LAIR1: variants seen among roughly 807,000 people sequenced by gnomAD.
The protein encoded by LAIR1 is leukocyte-associated immunoglobulin-like receptor 1.
In LAIR1, 24 loss-of-function variants were observed where a neutral mutation model predicts 32.8. The ratio of observed to expected loss-of-function variants is 0.73; its 90% CI spans 0.53 to 1.03. LAIR1 has a LOEUF of 1.03. Among genes scored for constraint, LAIR1 ranks in the 50% least tolerant of loss-of-function variants. The pLI is 0.00. For synonymous variants in LAIR1, 150 were observed against 140.5 expected, an observed-to-expected ratio of 1.07 and a Z score of -0.48; for missense variants, 355 against 347.5, an observed-to-expected ratio of 1.02 and a Z score of -0.17.
At position 54,353,060 on chromosome 19, in the gene LAIR1, C is replaced by G. The variant is rs1227750840; in HGVS notation, c.*2208G>C. 1 of 152,004 alleles carries G rather than the reference C, an allele frequency of 6.6e-6. No individual in the cohort carries two copies. Among genetic ancestry groups the G allele is most frequent in the African/African-American group, 2.4e-5 (1 of 41,340 alleles). 9.4% of individuals were successfully genotyped at this position (152,004 alleles called of 1,614,324 possible). ...CCTGTAATCCCAGCTGCTCAGGAGG[C>G]TGAGGCAGGAGAATCGCTTGAACCC... is the stretch of plus-strand genomic sequence containing the variant. On this transcript the variant is annotated 3_prime_UTR_variant, in exon 10 of 10. Transcript: ENST00000391742.
intron 2 of LAIR1, among the ~76,000 whole-genome samples, chr19:54,363,618 A>G (rs1049880637): frequency 3.3e-5 from 5 of 152,216 alleles, no homozygotes; most frequent in Non-Finnish European, 5.9e-5. Flanking sequence ...ATTCAGCCCT[A>G]AAAAAGGAAG....
Position 54,364,758 on chromosome 19 carries a change from C to T in LAIR1, c.34+13G>A. ...ACCCCCTTTCCAGCCTCCCGGCTGCCTCCAGGACTCACCTAGGCCCAGGAG... is the reference window on the plus strand; with the variant it reads ...ACCCCCTTTCCAGCCTCCCGGCTGCTTCCAGGACTCACCTAGGCCCAGGAG... On this transcript the variant is annotated intron_variant, in intron 1 of 9. Coordinates refer to ENST00000391742, the MANE Select transcript of LAIR1 (RefSeq NM_002287.6). The surrounding 1 kb of genome is among the most constrained non-coding windows in gnomAD (Gnocchi z 4.8). The T allele has an allele frequency of 6.2e-7, 1 of 1,612,216 alleles. No homozygotes were observed. Among genetic ancestry groups the T allele is most frequent in the Non-Finnish European group, 8.5e-7 (1 of 1,178,340 alleles).
chr19:54,366,345 G>A (rs1406400650), upstream of LAIR1, among the ~76,000 whole-genome samples: 2 of 152,200 alleles, frequency 1.3e-5, no homozygotes, highest in Admixed American at 1.3e-4. Flanking sequence ...GAACAGCGAA[G>A]TCCAGGCTGA....
chr19:54,370,552 T>G (rs1332425725), exon 1 of LAIR1: 1 of 373,224 alleles, frequency 2.7e-6, no homozygotes, highest in African/African-American at 2.2e-5. Flanking sequence ...AAGCTTCTGC[T>G]ATACCAGGGT....
Position 54,360,915 on chromosome 19 carries a change from C to T in LAIR1, c.364+1G>A, listed in dbSNP as rs753049051. 8.1e-6 allele frequency: 13 copies of T among 1,610,664 alleles called. No homozygotes were observed. The highest frequency in any genetic ancestry group is 1.0e-5 in the Non-Finnish European group (12 of 1,177,742). On this transcript the variant is annotated splice_donor_variant, in intron 3 of 9. Transcript: ENST00000391742. LOFTEE classifies it high-confidence loss of function. ...GGGCAGGGCCCAGGTGACGTCCTCACCTTTCACCAGCAGCTCCAGGTAGTC... is the reference window on the plus strand; with the variant it reads ...GGGCAGGGCCCAGGTGACGTCCTCATCTTTCACCAGCAGCTCCAGGTAGTC...
At chr19:54,373,740 A>G (rs981444988), upstream of LAIR1, among the ~76,000 whole-genome samples, 2 of 152,158 alleles carry the variant, frequency 1.3e-5, no homozygotes, top group African/African-American at 2.4e-5. Flanking sequence ...GCTTAACACA[A>G]TGGGATTTGG....
chr19:54,356,371 T>A lies in LAIR1; in HGVS notation c.611A>T (p.Gln204Leu). The change falls in exon 7 of 10, where the codon CAG (glutamine) becomes CTG (leucine). Residue 204 changes from glutamine (Q) to leucine (L), a missense_variant. Transcript: ENST00000391742. ...GGGGCCTCACCTCTGCTGTGGCTTC[T>A]GCTCCTCGTCCTTGCTTCTGGGGGG... ...QGPPRSKDEE[Q>L]KPQQRPDLAV... is the part of the protein sequence containing the mutation. 1 of 1,592,564 alleles carries A rather than the reference T, an allele frequency of 6.3e-7. No individual in the cohort carries two copies. Among genetic ancestry groups the A allele is most frequent in the Non-Finnish European group, 8.5e-7 (1 of 1,169,686 alleles).
At chr19:54,371,708 A>T (rs2082409795), upstream of LAIR1, among the ~76,000 whole-genome samples, 1 of 151,630 alleles carries the variant, frequency 6.6e-6, no homozygotes, top group African/African-American at 2.4e-5. Flanking sequence ...TGATGAAATC[A>T]TCATTCAAAA....
In LAIR1 at chr19:54,363,552, C is replaced by T. The variant is rs368236881; in HGVS notation, c.70+743G>A. Reference sequence around the variant, plus strand: ...CCAAGACCTGGCAAGAACCTGAGTGCCCACCGCCAAATGAATGGATGAGGA... The same window carrying T: ...CCAAGACCTGGCAAGAACCTGAGTGTCCACCGCCAAATGAATGGATGAGGA... On this transcript the variant is annotated intron_variant, in intron 2 of 9. Transcript: ENST00000391742. 4.6e-5 allele frequency among the ~76,000 whole-genome samples: 7 copies of T among 152,206 alleles called. No homozygotes were observed. In the South Asian group the frequency reaches 1.5e-3, roughly 32 times the overall value.
At chr19:54,360,659 C>G in intron 3 of LAIR1, 1 of 553,342 alleles carries the variant, frequency 1.8e-6, no homozygotes, top group Non-Finnish European at 3.2e-6. Flanking sequence ...GCAGAGCCAG[C>G]TCTGAGCCCA....
At chr19:54,364,959 T>C, upstream of LAIR1, 3 of 1,525,316 alleles carry the variant, frequency 2.0e-6, no homozygotes, top group South Asian at 2.5e-5. This position sits in a 1 kb window ranked among gnomAD's most constrained non-coding sequence, Gnocchi z 4.8. Flanking sequence ...GAGCTTTCTG[T>C]CCTGTTCTTT....
intron 3 of LAIR1, 109 bp downstream of exon 3, chr19:54,360,807 G>T: frequency 9.5e-7 from 1 of 1,053,246 alleles, no homozygotes; most frequent in Non-Finnish European, 1.4e-6. Context: ...GGGTCAGGAG[G>T]AGGACAAGGT....
chr19:54,366,813 A>C (rs189269551), upstream of LAIR1, among the ~76,000 whole-genome samples: 84 of 152,180 alleles, frequency 5.5e-4, no homozygotes, highest in Non-Finnish European at 9.8e-4. Context: ...TCTAAGCAAC[A>C]AAGTGTTCAA....
chr19:54,351,891 A>G lies in LAIR1; in HGVS notation c.*3377T>C, dbSNP rs1024560497. 2.0e-5 allele frequency: 3 copies of G among 151,662 alleles called. No individual in the cohort carries two copies. In the East Asian group the frequency reaches 5.8e-4, roughly 29 times the overall value. 9.4% of individuals were successfully genotyped at this position (151,662 alleles called of 1,614,324 possible). ...AAGGTAAAAAAAAGTTAAAAAAAAG[A>G]AAAAAAAAGTCCACCCTATAGTTTG... is the stretch of plus-strand genomic sequence containing the variant. On this transcript the variant is annotated 3_prime_UTR_variant, in exon 10 of 10. Coordinates refer to ENST00000391742, the MANE Select transcript of LAIR1 (RefSeq NM_002287.6).
Position 54,364,275 on chromosome 19 carries a change from G to A in LAIR1, c.70+20C>T, listed in dbSNP as rs764122828. 4.4e-6 allele frequency: 7 copies of A among 1,608,310 alleles called. No individual in the cohort carries two copies. In the Admixed American group the frequency reaches 5.0e-5, roughly 11 times the overall value. ...GGGTGACAGAGGGGACTGGGAAGATGGGACGAAGGCATGACTTACCCTCCT... is the reference window on the plus strand; with the variant it reads ...GGGTGACAGAGGGGACTGGGAAGATAGGACGAAGGCATGACTTACCCTCCT... On this transcript the variant is annotated intron_variant, in intron 2 of 9. Transcript: ENST00000391742. The surrounding 1 kb of genome is among the most constrained non-coding windows in gnomAD (Gnocchi z 4.8).
At chr19:54,360,665 G>A (rs1197379752) in intron 3 of LAIR1, 1 of 557,520 alleles carries the variant, frequency 1.8e-6, no homozygotes, top group Non-Finnish European at 3.2e-6. Flanking sequence ...CCAGCTCTGA[G>A]CCCACCAGAT....
chr19:54,369,540 A>T (rs2082352296), upstream of LAIR1, among the ~76,000 whole-genome samples: 1 of 151,382 alleles, frequency 6.6e-6, no homozygotes, highest in Non-Finnish European at 1.5e-5. Context: ...CATTCCTCTA[A>T]GACCTTTCCT....
chr19:54,364,383 G>A lies in LAIR1; in HGVS notation c.35-53C>T. 1 of 1,612,972 alleles carries A rather than the reference G, an allele frequency of 6.2e-7. No homozygotes were observed. Reference sequence around the variant, plus strand: ...TGCCCAGTGCCCAGTCTCCTTACGGGGCTGCTGTCAAAAGGGGGCTCGATG... The same window carrying A: ...TGCCCAGTGCCCAGTCTCCTTACGGAGCTGCTGTCAAAAGGGGGCTCGATG... On this transcript the variant is annotated intron_variant, in intron 1 of 9. Coordinates refer to ENST00000391742, the MANE Select transcript of LAIR1 (RefSeq NM_002287.6). This position sits in a 1 kb window ranked among gnomAD's most constrained non-coding sequence, Gnocchi z 4.8.
upstream of LAIR1, among the ~76,000 whole-genome samples, chr19:54,373,254 A>C (rs566820875): frequency 1.3e-5 from 2 of 151,332 alleles, no homozygotes; most frequent in African/African-American, 4.9e-5. Flanking sequence ...CATCCTGGCC[A>C]ACACGGTGAA....
Sources: gnomAD v4.1 joint callset for allele counts (sites outside exome capture counted in the v4.1 genomes callset) on GRCh38, gnomAD v4.1.1 for gene constraint, Gnocchi (gnomAD v3.1) non-coding constraint, MANE v1.5 for transcripts, NCBI Gene and HGNC (gene_info 2026-07-23, HGNC 2026-07-21) for gene names.